Variants in CDH8 observed in about 807,000 individuals in gnomAD.
The protein encoded by CDH8 is cadherin-8.
In CDH8, 17 loss-of-function variants were observed where a neutral mutation model predicts 68.1. The ratio of observed to expected loss-of-function variants is 0.25; its 90% CI spans 0.17 to 0.37. CDH8 has a LOEUF of 0.37. Ranked by LOEUF, CDH8 falls within the 10% of genes least tolerant of loss-of-function variation. The pLI is 1.00. For synonymous variants in CDH8, 372 were observed against 365.1 expected (o/e 1.02, Z -0.21); for missense variants, 763 against 999.3 (o/e 0.76, Z 3.19).
intron 2 of CDH8, among the ~76,000 whole-genome samples, chr16:61,950,759 G>A (rs1056997658): frequency 3.3e-5 from 5 of 151,106 alleles, no homozygotes; most frequent in East Asian, 1.9e-4. Context: ...TGGATGGGAC[G>A]GGGGCCATTA....
At chr16:61,989,231 C>A (rs915142905) in intron 2 of CDH8, among the ~76,000 whole-genome samples, 1 of 152,140 alleles carries the variant, frequency 6.6e-6, no homozygotes, top group African/African-American at 2.4e-5. Flanking sequence ...AATTTGTATT[C>A]TTTGGCAAGG....
intron 2 of CDH8, among the ~76,000 whole-genome samples, chr16:61,949,992 A>G (rs987079861): frequency 2.0e-5 from 3 of 151,832 alleles, no homozygotes; most frequent in African/African-American, 7.3e-5. Flanking sequence ...TGTCTTAAAA[A>G]AAAAAAAAAA....
chr16:61,817,312 CCACACACACACA>C (rs3833039), intron 7 of CDH8, among the ~76,000 whole-genome samples, 155 bp downstream of exon 7: 1 of 148,084 alleles, frequency 6.8e-6, no homozygotes, highest in African/African-American at 2.5e-5. Flanking sequence ...CGTGTACACA[CCACACACACACA>C]CACACACACA....
intron 2 of CDH8, among the ~76,000 whole-genome samples, chr16:61,926,956 C>A (rs1263481103): frequency 1.3e-5 from 2 of 152,214 alleles, no homozygotes; most frequent in East Asian, 3.9e-4. Flanking sequence ...AAACAACAGA[C>A]ACATTAGAAG....
chr16:61,690,146 T>C (rs576444746), intron 10 of CDH8, among the ~76,000 whole-genome samples: 3 of 152,226 alleles, frequency 2.0e-5, no homozygotes, highest in African/African-American at 7.2e-5. Context: ...GCAATATTTA[T>C]GTTTTAAAAA....
chr16:61,717,634 T>C lies in CDH8; in HGVS notation c.1537-3676A>G, dbSNP rs190877448. 1.4e-3 allele frequency among the ~76,000 whole-genome samples: 212 copies of C among 151,632 alleles called. 5 individuals carry two copies. Among genetic ancestry groups the C allele is most frequent in the Admixed American group, 0.014 (207 of 15,168 alleles). On this transcript the variant is annotated intron_variant, in intron 9 of 11. Transcript: ENST00000577390. ...AAGAAATACATTTTTGATGATCTGA[T>C]CTGTTAACAAGCATAGCTGTATCAC...
chr16:61,725,884 ACGTGTGTGTGTGTGTG>A (rs1301700251), intron 9 of CDH8: 2 of 149,926 alleles, frequency 1.3e-5, no homozygotes, highest in East Asian at 2.0e-4. Flanking sequence ...TTTAGCTTTA[ACGTGTGTGTGTGTGTG>A]CGTGTGTGTG....
At chr16:61,746,335 T>C (rs957893368) in intron 8 of CDH8, among the ~76,000 whole-genome samples, 3 of 152,054 alleles carry the variant, frequency 2.0e-5, no homozygotes, top group African/African-American at 7.2e-5. Flanking sequence ...GTGGTCTCTA[T>C]GCCCTGTGAG....
chr16:61,916,241 T>C (rs1225480618), intron 2 of CDH8, among the ~76,000 whole-genome samples: 1 of 152,200 alleles, frequency 6.6e-6, no homozygotes, highest in South Asian at 2.1e-4. Context: ...CGGCCAGGCA[T>C]TGTGGCTCAT....
At chr16:61,730,644 T>G (rs963055513) in intron 8 of CDH8, among the ~76,000 whole-genome samples, 5 of 151,658 alleles carry the variant, frequency 3.3e-5, no homozygotes, top group African/African-American at 1.2e-4. Context: ...GCAAGTGTAC[T>G]AAATTAATTT....
chr16:62,021,318 A>G lies in CDH8; in HGVS notation c.86T>C (p.Met29Thr), dbSNP rs1902068964. 1 of 1,613,972 alleles carries G rather than the reference A, an allele frequency of 6.2e-7. No individual in the cohort carries two copies. Among genetic ancestry groups the G allele is most frequent in the Admixed American group, 1.7e-5 (1 of 59,978 alleles). Reference protein sequence around the residue: ...LWITLPPCIYMAPMNQSQVLM... With the variant: ...LWITLPPCIYTAPMNQSQVLM... ...AACTTGAGACTGATTCATCGGAGCC[A>G]TGTAAATGCAAGGGGGAAGAGTAAT... The change falls in exon 2 of 12, where the codon ATG becomes ACG. Residue 29 changes from methionine to threonine, a missense_variant. Physicochemically the swap from Met to Thr is moderately conservative, Grantham distance 81. Coordinates refer to ENST00000577390, the MANE Select transcript of CDH8 (RefSeq NM_001796.5).
At chr16:61,869,151 T>C (rs1474877289) in intron 3 of CDH8, among the ~76,000 whole-genome samples, 2 of 152,158 alleles carry the variant, frequency 1.3e-5, no homozygotes, top group East Asian at 1.9e-4. Context: ...CTCACTTCCT[T>C]AGTCCCTTCT....
chr16:61,851,742 A>C (rs977664906), intron 4 of CDH8, among the ~76,000 whole-genome samples: 5 of 152,062 alleles, frequency 3.3e-5, no homozygotes, highest in African/African-American at 1.2e-4. Flanking sequence ...CAAGAATGAC[A>C]ATTCATTTTA....
chr16:61,731,595 G>A lies in CDH8; in HGVS notation c.1415-4380C>T, dbSNP rs1959537922. Among the ~76,000 whole-genome samples the A allele has an allele frequency of 2.0e-5, 3 of 151,862 alleles. No individual in the cohort carries two copies. The South Asian group carries it at 6.2e-4, about 31-fold the overall frequency. ...GATTTTACACCAATGGGGAAAAAAG[G>A]TTTTACTAAAACAATTCAGCAAGTC... On this transcript the variant is annotated intron_variant, in intron 8 of 11. Coordinates refer to ENST00000577390, the MANE Select transcript of CDH8 (RefSeq NM_001796.5).
At chr16:61,735,415 A>G (rs78215189) in intron 8 of CDH8, among the ~76,000 whole-genome samples, 10 of 152,136 alleles carry the variant, frequency 6.6e-5, no homozygotes, top group African/African-American at 2.4e-4. Context: ...TCATTCTTCA[A>G]AATATCATAA....
chr16:61,923,986 C>A (rs1008807904), intron 2 of CDH8, among the ~76,000 whole-genome samples: 13 of 150,514 alleles, frequency 8.6e-5, no homozygotes, highest in African/African-American at 3.2e-4. Context: ...TTACTGGGCC[C>A]TCTCTAGCAA....
chr16:61,893,885 C>T (rs1963823870), intron 3 of CDH8, among the ~76,000 whole-genome samples: 1 of 152,100 alleles, frequency 6.6e-6, no homozygotes, highest in South Asian at 2.1e-4. Flanking sequence ...CAGAAGAATG[C>T]TAACCAATGA....
intron 8 of CDH8, among the ~76,000 whole-genome samples, chr16:61,754,584 G>A (rs1435197749): frequency 6.6e-6 from 1 of 151,826 alleles, no homozygotes; most frequent in East Asian, 1.9e-4. Flanking sequence ...AGAATGTATG[G>A]TGATTAGATT....
intron 8 of CDH8, among the ~76,000 whole-genome samples, chr16:61,768,365 T>C (rs199836465): frequency 4.0e-5 from 4 of 100,784 alleles, no homozygotes; most frequent in African/African-American, 4.1e-5. Flanking sequence ...TCTCTCTCTC[T>C]CTCCCTTTCT....
Sources: gnomAD v4.1 joint callset for allele counts (sites outside exome capture counted in the v4.1 genomes callset) on GRCh38, gnomAD v4.1.1 for gene constraint, MANE v1.5 for transcripts, NCBI Gene and HGNC (gene_info 2026-07-23, HGNC 2026-07-21) for gene names.